Variants in SDK1 observed in about 807,000 individuals in gnomAD.
SDK1 encodes the protein sidekick cell adhesion molecule 1.
A neutral mutation model predicts 245.5 loss-of-function variants in SDK1; 157 were observed. That is an observed-to-expected ratio of 0.64 (90% CI 0.56 to 0.73). The LOEUF (loss-of-function observed/expected upper bound fraction) is 0.73, where lower values mean the gene tolerates loss of function less well. Among genes scored for constraint, SDK1 ranks in the 30% least tolerant of loss-of-function variants. The pLI, the probability that SDK1 is intolerant of heterozygous loss-of-function variation, is 0.00. For synonymous variants in SDK1, 1,647 were observed against 1,278.5 expected, an observed-to-expected ratio of 1.29 and a Z score of -6.15; for missense variants, 3,583 against 3,002.3, an observed-to-expected ratio of 1.19 and a Z score of -4.52.
At chr7:3,629,978 A>C (rs1490312239) in intron 2 of SDK1, among the ~76,000 whole-genome samples, 1 of 152,276 alleles carries the variant, frequency 6.6e-6, no homozygotes, top group Non-Finnish European at 1.5e-5. Flanking sequence ...TATAAGGATG[A>C]AAACTATAAT....
At chr7:3,712,138 C>A (rs894711763) in intron 4 of SDK1, among the ~76,000 whole-genome samples, 1 of 152,102 alleles carries the variant, frequency 6.6e-6, no homozygotes, top group African/African-American at 2.4e-5. Flanking sequence ...GGCTGCACAG[C>A]AGGAGGCGCA....
At position 3,838,412 on chromosome 7, in the gene SDK1, T is replaced by C. The variant is rs573848521; in HGVS notation, c.847+16829T>C. Among the ~76,000 whole-genome samples the C allele has an allele frequency of 2.6e-5, 4 of 152,306 alleles. No homozygotes were observed. In the East Asian group the frequency reaches 7.7e-4, roughly 29 times the overall value. ...AAGGTTTCCCCTGAGAGACGATGTT[T>C]AACTGAGACCTAAAGGTTGAGTAAG... On this transcript the variant is annotated intron_variant, in intron 5 of 44. Transcript: ENST00000404826.
At position 3,871,372 on chromosome 7, in the gene SDK1, T is replaced by C. The variant is rs187643609; in HGVS notation, c.847+49789T>C. Among the ~76,000 whole-genome samples, 265 of 152,324 alleles carry C rather than the reference T, an allele frequency of 1.7e-3. 3 individuals carry two copies. Among genetic ancestry groups the C allele is most frequent in the African/African-American group, 5.6e-3 (231 of 41,576 alleles). ...TCACTTCATCTGTGAATAGAGAGAA[T>C]TGTATTTCTTCCTCTCGAATCTGTA... On this transcript the variant is annotated intron_variant, in intron 5 of 44. Transcript: ENST00000404826.
intron 22 of SDK1, among the ~76,000 whole-genome samples, chr7:4,106,747 C>T (rs1782946662): frequency 6.6e-6 from 1 of 152,164 alleles, no homozygotes; most frequent in Non-Finnish European, 1.5e-5. Flanking sequence ...GTGCCTTTCT[C>T]TCCCGGGCAG....
intron 5 of SDK1, 146 bp from the exon 6 acceptor site, chr7:3,950,777 A>G (rs999683509): frequency 1.6e-6 from 1 of 622,858 alleles, no homozygotes. Flanking sequence ...GCCATCATAC[A>G]TCAGGGACAA....
intron 38 of SDK1, among the ~76,000 whole-genome samples, chr7:4,210,839 C>T (rs1784473635): frequency 1.3e-5 from 2 of 152,232 alleles, no homozygotes; most frequent in Admixed American, 6.5e-5. Flanking sequence ...CAGCAAACAA[C>T]AGCCCGAGCG....
intron 38 of SDK1, 54 bp from the exon 39 acceptor site, chr7:4,220,055 C>A: frequency 6.3e-7 from 1 of 1,582,648 alleles, no homozygotes; most frequent in Non-Finnish European, 8.6e-7. Context: ...AGACAGTGGA[C>A]AGTTGCTTCT....
chr7:3,432,456 C>G (rs991434303), intron 1 of SDK1, among the ~76,000 whole-genome samples: 1 of 152,088 alleles, frequency 6.6e-6, no homozygotes, highest in Non-Finnish European at 1.5e-5. Flanking sequence ...GGCAAAATAT[C>G]CTAAAAGCTA....
intron 1 of SDK1, among the ~76,000 whole-genome samples, chr7:3,588,447 A>G (rs1340520055): frequency 6.6e-6 from 1 of 152,202 alleles, no homozygotes; most frequent in Non-Finnish European, 1.5e-5. Context: ...TCTGGTTCAG[A>G]AAATTCACCT....
At chr7:3,564,859 C>A (rs933340244) in intron 1 of SDK1, among the ~76,000 whole-genome samples, 4 of 151,924 alleles carry the variant, frequency 2.6e-5, no homozygotes, top group Non-Finnish European at 5.9e-5. Flanking sequence ...GTTAATGAAA[C>A]CTCGATTACA....
chr7:4,022,887 C>T (rs1393881522), intron 17 of SDK1, among the ~76,000 whole-genome samples: 2 of 151,586 alleles, frequency 1.3e-5, no homozygotes, highest in African/African-American at 4.9e-5. Context: ...CGTTCTCCTG[C>T]CTCAGCCTCC....
At chr7:3,530,687 T>A (rs1583130164) in intron 1 of SDK1, among the ~76,000 whole-genome samples, 1 of 152,194 alleles carries the variant, frequency 6.6e-6, no homozygotes, top group Admixed American at 6.5e-5. Flanking sequence ...TTATTGTGAA[T>A]ATGAAGTTAG....
At chr7:3,587,997 G>A (rs1342136035) in intron 1 of SDK1, among the ~76,000 whole-genome samples, 1 of 152,236 alleles carries the variant, frequency 6.6e-6, no homozygotes, top group East Asian at 1.9e-4. Flanking sequence ...TTGAAAAGCT[G>A]CGGGTAAATC....
At chr7:3,535,280 TAAAG>T (rs887586269) in intron 1 of SDK1, among the ~76,000 whole-genome samples, 8 of 152,052 alleles carry the variant, frequency 5.3e-5, no homozygotes, top group East Asian at 1.9e-4. Context: ...AAATAATAAA[TAAAG>T]AAAAAGAAAA....
chr7:3,569,853 C>G (rs535277197), intron 1 of SDK1, among the ~76,000 whole-genome samples: 47 of 152,304 alleles, frequency 3.1e-4, no homozygotes, highest in African/African-American at 1.1e-3. Flanking sequence ...TTGTGACACG[C>G]AGTTGGTACG....
intron 14 of SDK1, among the ~76,000 whole-genome samples, chr7:4,006,978 C>G (rs190709048): frequency 6.6e-6 from 1 of 152,378 alleles, no homozygotes; most frequent in Admixed American, 6.5e-5. Flanking sequence ...TTAATCGCCT[C>G]AGTCACCTGG....
At position 3,910,151 on chromosome 7, in the gene SDK1, G is replaced by T. The variant is rs147995696; in HGVS notation, c.848-40772G>T. 4.8e-4 allele frequency among the ~76,000 whole-genome samples: 73 copies of T among 152,318 alleles called. 1 individual carries two copies. The East Asian group carries it at 0.013, about 27-fold the overall frequency. ...CGTGGTGCTGCGTCAGCAGACAGGA[G>T]CATTATTTTCCCCTGGAATGTGCAG... On this transcript the variant is annotated intron_variant, in intron 5 of 44. Transcript: ENST00000404826.
intron 44 of SDK1, among the ~76,000 whole-genome samples, chr7:4,256,625 C>A (rs1562486727): frequency 6.6e-6 from 1 of 152,202 alleles, no homozygotes; most frequent in Non-Finnish European, 1.5e-5. Flanking sequence ...GATTTGAGTA[C>A]AATATAAACC....
chr7:4,184,356 G>C (rs1782760913), intron 35 of SDK1, among the ~76,000 whole-genome samples: 1 of 152,200 alleles, frequency 6.6e-6, no homozygotes, highest in Non-Finnish European at 1.5e-5. Context: ...ACCCCTCTGA[G>C]TCTGGCCTTG....
Sources: gnomAD v4.1 joint callset for allele counts (sites outside exome capture counted in the v4.1 genomes callset) on GRCh38, gnomAD v4.1.1 for gene constraint, MANE v1.5 for transcripts, NCBI Gene and HGNC (gene_info 2026-07-23, HGNC 2026-07-21) for gene names.